ATRX: variants seen among roughly 807,000 people sequenced by gnomAD.
ATRX encodes chromatin remodeler ATRX.
ATRX carries 12 observed loss-of-function variants against 172.6 expected under a neutral mutation model. The observed-to-expected ratio is 0.07, with a 90% CI of 0.04 to 0.11. ATRX has a LOEUF of 0.11. Ranked by LOEUF, ATRX falls within the 10% of genes least tolerant of loss-of-function variation. The probability of loss-of-function intolerance (pLI) is 1.00; values close to 1 mark genes in which losing one functional copy is unlikely to be tolerated. For synonymous variants in ATRX, 674 were observed against 594.7 expected (o/e 1.13, Z -1.94); for missense variants, 1,368 against 1,767.4 (o/e 0.77, Z 4.05).
intron 22 of ATRX, among the ~76,000 whole-genome samples, chrX:77,614,234 G>C (rs1408915705): frequency 8.9e-6 from 1 of 112,086 alleles, no homozygotes; most frequent in Admixed American, 9.5e-5. Flanking sequence ...ATAGGCAGGT[G>C]ATATTTCAAG....
At chrX:77,609,069 T>C (rs1012654021) in intron 22 of ATRX, among the ~76,000 whole-genome samples, 6 of 112,015 alleles carry the variant, frequency 5.4e-5, no homozygotes, top group African/African-American at 9.7e-5. Flanking sequence ...AAGTGGCTTT[T>C]ATCCAAAAGA....
chrX:77,593,830 A>G lies in ATRX; in HGVS notation c.5976T>C (p.Ser1992=). 8.3e-7 allele frequency: 1 copy of G among 1,208,897 alleles called. No homozygotes were observed. Among genetic ancestry groups the G allele is most frequent in the African/African-American group, 1.7e-5 (1 of 57,596 alleles). ...AGTCTGGAGCTGGGCTGCTTGGATT[A>G]GAAGAAGAAGTAGCTTTACCTAAAT... The part of the protein sequence containing the change: ...KLEESKATSS[S]NPSSPAPDWY... The change falls in exon 26 of 35, where the codon TCT becomes TCC. Residue 1992 remains serine, a synonymous_variant. Transcript: ENST00000373344.
chrX:77,538,659 C>A (rs1317367113), intron 30 of ATRX, among the ~76,000 whole-genome samples: 3 of 111,400 alleles, frequency 2.7e-5, no homozygotes, highest in African/African-American at 9.8e-5. Flanking sequence ...TTAGCTGATG[C>A]ATAAAGAACA....
chrX:77,699,597 G>A (rs1302007827), intron 2 of ATRX: 1 of 111,236 alleles, frequency 9.0e-6, no homozygotes, highest in Non-Finnish European at 1.9e-5. Context: ...AATCAGAAAT[G>A]AAAAAGAGGA....
At chrX:77,530,793 GA>G (rs1186576609) in intron 30 of ATRX, among the ~76,000 whole-genome samples, 3 of 102,648 alleles carry the variant, frequency 2.9e-5, no homozygotes, top group Non-Finnish European at 4.0e-5. Flanking sequence ...AAACCCCTAA[GA>G]AAAAAAAAAT....
intron 1 of ATRX, among the ~76,000 whole-genome samples, chrX:77,743,115 C>T (rs1347187876): frequency 1.8e-5 from 2 of 110,936 alleles, no homozygotes; most frequent in African/African-American, 6.6e-5. Context: ...AGGATTTGAG[C>T]ACGATTAATT....
At chrX:77,741,459 TTTTGTTTG>T (rs782206405) in intron 1 of ATRX, among the ~76,000 whole-genome samples, 1 of 109,809 alleles carries the variant, frequency 9.1e-6, no homozygotes, top group Non-Finnish European at 1.9e-5. Context: ...GATTGCTTCA[TTTTGTTTG>T]TTTGTTTGTT....
At chrX:77,516,907 A>G in intron 34 of ATRX, among the ~76,000 whole-genome samples, 1 of 112,073 alleles carries the variant, frequency 8.9e-6, no homozygotes, top group South Asian at 3.7e-4. Flanking sequence ...GAATAAAACT[A>G]GAAATCAATA....
Position 77,688,934 on chromosome X carries a change from G to C in ATRX, c.485-7C>G, listed in dbSNP as rs1225852818. 5 of 1,145,450 alleles carry C rather than the reference G, an allele frequency of 4.4e-6. No homozygotes were observed. Among genetic ancestry groups the C allele is most frequent in the Middle Eastern group, 4.8e-4 (2 of 4,202 alleles). The allele number at this position is 1,145,450 out of a possible 1,213,427, so 94.4% of individuals were successfully genotyped here. A position where few individuals can be genotyped will look rare whatever the true frequency, so the allele number is the denominator to read the frequency against. ...ATCCCATGAAGCCCATCTTCTAGGA[G>C]AAAGGAGTGGCTATTATTCACACAT... On this transcript the variant is annotated splice_region_variant and splice_polypyrimidine_tract_variant and intron_variant, in intron 6 of 34. Coordinates refer to ENST00000373344, the MANE Select transcript of ATRX (RefSeq NM_000489.6).
At chrX:77,605,075 A>G (rs782064889) in intron 22 of ATRX, among the ~76,000 whole-genome samples, 18 of 112,174 alleles carry the variant, frequency 1.6e-4, no homozygotes, top group African/African-American at 5.8e-4. Context: ...TATACACTAA[A>G]AGCCCTGACT....
At chrX:77,639,080 C>T (rs1170961576) in intron 15 of ATRX, among the ~76,000 whole-genome samples, 1 of 112,056 alleles carries the variant, frequency 8.9e-6, no homozygotes, top group African/African-American at 3.2e-5. Context: ...GTGTGGTACA[C>T]AGAATCCTAA....
chrX:77,652,327 TTCC>T lies in ATRX; in HGVS notation c.4341_4343del (p.Glu1448del), dbSNP rs782410402. 12 of 1,203,325 alleles carry T rather than the reference TTCC, an allele frequency of 1.0e-5. No homozygotes were observed. Among genetic ancestry groups the T allele is most frequent in the African/African-American group, 5.3e-5 (3 of 56,567 alleles). ...CCTCCTCTTCCTCCTCCTCTTCTTT[TTCC>T]TCCTCTTCTTCCTCAGAATTACTCT... On this transcript the variant is annotated inframe_deletion, in exon 15 of 35. Coordinates refer to ENST00000373344, the MANE Select transcript of ATRX (RefSeq NM_000489.6).
chrX:77,763,626 A>G (rs2075804050), intron 1 of ATRX, among the ~76,000 whole-genome samples: 1 of 104,977 alleles, frequency 9.5e-6, no homozygotes, highest in African/African-American at 3.5e-5. Context: ...GCCCACCACC[A>G]CGCCTGGCTA....
At chrX:77,727,731 T>C (rs782137098) in intron 1 of ATRX, 5 of 110,809 alleles carry the variant, frequency 4.5e-5, no homozygotes, top group Admixed American at 1.9e-4. Context: ...CCAATGGAGA[T>C]GATAGGTTGA....
chrX:77,659,503 AC>A (rs2069751106), intron 12 of ATRX, among the ~76,000 whole-genome samples: 1 of 107,003 alleles, frequency 9.3e-6, no homozygotes, highest in South Asian at 4.1e-4. Flanking sequence ...ACACACACAC[AC>A]ACACACACAC....
At chrX:77,561,882 G>A (rs1159673306) in intron 28 of ATRX, among the ~76,000 whole-genome samples, 5 of 110,998 alleles carry the variant, frequency 4.5e-5, no homozygotes, top group African/African-American at 1.6e-4. Flanking sequence ...AGCTCATTTG[G>A]GTTTCATCAG....
chrX:77,560,246 C>G (rs1055480306), intron 28 of ATRX, among the ~76,000 whole-genome samples: 26 of 110,669 alleles, frequency 2.3e-4, no homozygotes, highest in Admixed American at 2.1e-3. Context: ...TGGATAAACA[C>G]TTTTTGAAAA....
rs139085700 is a variant in ATRX, at chrX:77,646,554, T to G, written c.4557+5560A>C. 2.7e-5 allele frequency among the ~76,000 whole-genome samples: 3 copies of G among 111,682 alleles called. No individual in the cohort carries two copies. The East Asian group carries it at 8.4e-4, about 31-fold the overall frequency. On this transcript the variant is annotated intron_variant, in intron 15 of 34. Transcript: ENST00000373344. ...AGAGAGAAACAGTTGGAGACATAAA[T>G]AGCCCAATATCAATAAAAGCGTAAA...
intron 10 of ATRX, chrX:77,675,363 C>A (rs992854871): frequency 9.0e-6 from 1 of 111,506 alleles, no homozygotes; most frequent in Non-Finnish European, 1.9e-5. Flanking sequence ...CATGATGACA[C>A]AGACAGTTGT....
Sources: allele counts gnomAD v4.1 joint callset (sites outside exome capture counted in the v4.1 genomes callset), GRCh38; gene constraint gnomAD v4.1.1; transcripts MANE v1.5; gene names NCBI Gene and HGNC (gene_info 2026-07-23, HGNC 2026-07-21).